UBE2F: variants seen among roughly 807,000 people sequenced by gnomAD.
UBE2F encodes NEDD8-conjugating enzyme UBE2F.
Under a neutral mutation model 29.6 loss-of-function variants are expected in UBE2F, and 5 were observed. The observed-to-expected ratio is 0.17, with a 90% CI of 0.09 to 0.36. UBE2F has a LOEUF of 0.36. UBE2F is among the 10% of genes least tolerant of loss of function. The pLI, the probability that UBE2F is intolerant of heterozygous loss-of-function variation, is 1.00. For synonymous variants in UBE2F, 66 were observed against 81.8 expected, an observed-to-expected ratio of 0.81 and a Z score of 1.04; for missense variants, 141 against 228.5, an observed-to-expected ratio of 0.62 and a Z score of 2.47.
At chr2:237,973,671 GTGAAAAATTAGT>G in intron 2 of UBE2F, 4 of 1,302,976 alleles carry the variant, frequency 3.1e-6, no homozygotes, top group Non-Finnish European at 4.0e-6. Flanking sequence ...GGCGAATCTT[GTGAAAAATTAGT>G]TCTCTTCACG....
intron 1 of UBE2F, chr2:237,968,986 T>C: frequency 3.2e-6 from 1 of 310,784 alleles, no homozygotes; most frequent in African/African-American, 2.2e-5. Flanking sequence ...ATTTTACAGC[T>C]ATGGCAACAT....
At chr2:237,986,607 A>G (rs2063486888) in intron 2 of UBE2F, among the ~76,000 whole-genome samples, 1 of 152,206 alleles carries the variant, frequency 6.6e-6, no homozygotes, top group Non-Finnish European at 1.5e-5. Flanking sequence ...TAAGGAACTT[A>G]TTCCCTATCT....
intron 2 of UBE2F, among the ~76,000 whole-genome samples, chr2:237,980,828 G>C (rs1483748425): frequency 6.6e-6 from 1 of 152,202 alleles, no homozygotes; most frequent in South Asian, 2.1e-4. Flanking sequence ...CCTGCCCACA[G>C]GGTATGCAGG....
chr2:238,030,494 T>C, intron 6 of UBE2F, 62 bp from the exon 7 acceptor site: 1 of 1,209,900 alleles, frequency 8.3e-7, no homozygotes, highest in African/African-American at 1.5e-5. Context: ...GAGGACTAGT[T>C]GGCAGCGTGC....
At chr2:238,025,806 G>A (rs1046619101) in intron 6 of UBE2F, among the ~76,000 whole-genome samples, 6 of 152,192 alleles carry the variant, frequency 3.9e-5, no homozygotes, top group African/African-American at 1.4e-4. Flanking sequence ...AAATGTAGAT[G>A]GCAGGCTTGA....
intron 4 of UBE2F, among the ~76,000 whole-genome samples, chr2:237,996,173 A>G (rs540799799): frequency 1.3e-3 from 201 of 152,330 alleles, no homozygotes; most frequent in African/African-American, 4.7e-3. Flanking sequence ...ACTGCTATGG[A>G]CATCATTTAC....
At chr2:238,008,244 C>T (rs2063948084) in intron 4 of UBE2F, among the ~76,000 whole-genome samples, 1 of 152,154 alleles carries the variant, frequency 6.6e-6, no homozygotes, top group South Asian at 2.1e-4. Flanking sequence ...CAGGTGTGAG[C>T]CACTGTGCCT....
At chr2:238,037,526 A>G (rs1048226584) in intron 9 of UBE2F, among the ~76,000 whole-genome samples, 4 of 152,206 alleles carry the variant, frequency 2.6e-5, no homozygotes, top group Non-Finnish European at 5.9e-5. Flanking sequence ...TTGGTGGTAG[A>G]ACCTCGCACT....
rs768824145 is a variant in UBE2F at position 237,987,981 on chromosome 2, C to T, written c.137C>T (p.Ala46Val). The T allele has an allele frequency of 6.0e-6, 9 of 1,505,912 alleles. No individual in the cohort carries two copies. The South Asian group carries it at 8.0e-5, about 13-fold the overall frequency. The allele number at this position is 1,505,912 out of a possible 1,614,324, so 93.3% of individuals were successfully genotyped here. The change falls in exon 3 of 10, where the codon GCT (alanine) becomes GTT (valine). Residue 46 changes from alanine (A) to valine (V), a missense_variant. Physicochemically the swap from Ala to Val is moderately conservative, Grantham distance 64. Coordinates refer to ENST00000272930, the MANE Select transcript of UBE2F (RefSeq NM_080678.3). ...TCTACAGAGGTTGCAGAACTTGAAG[C>T]TAATTTACCTTGTAAGTATAGCATC... ...LLVKEVAELE[A>V]NLPCTCKVHF...
intron 2 of UBE2F, chr2:237,973,848 C>CCCTCGTTGGAAGTGCAGCAAA: frequency 2.5e-6 from 1 of 402,302 alleles, no homozygotes; most frequent in Non-Finnish European, 3.5e-6. Context: ...ATAAATTTTG[C>CCCTCGTTGGAAGTGCAGCAAA]ATTTATTCAT....
chr2:238,006,128 G>A (rs2063899494), intron 4 of UBE2F, among the ~76,000 whole-genome samples: 1 of 152,188 alleles, frequency 6.6e-6, no homozygotes, highest in African/African-American at 2.4e-5. Context: ...GCTGGCATCT[G>A]CCTCTAGTGA....
chr2:237,967,043 C>A lies in UBE2F; in HGVS notation c.-106C>A. On this transcript the variant is annotated 5_prime_UTR_variant, in exon 1 of 10. Coordinates refer to ENST00000272930, the MANE Select transcript of UBE2F (RefSeq NM_080678.3). The surrounding 1 kb of genome is among the most constrained non-coding windows in gnomAD (Gnocchi z 6.3). ...CCGGTCCCGCCGCCGGGAGCCGGTG[C>A]GGCTGTGAGGGGCCGCGTCTCGCAG... 12 of 1,298,056 alleles carry A rather than the reference C, an allele frequency of 9.2e-6. No homozygotes were observed. The highest frequency in any genetic ancestry group is 1.1e-5 in the Non-Finnish European group (11 of 1,022,062). 80.4% of individuals were successfully genotyped at this position (1,298,056 alleles called of 1,614,324 possible).
At position 238,020,698 on chromosome 2, in the gene UBE2F, GT is replaced by G. The variant is rs986229364; in HGVS notation, c.282+4066del. ...AGCAGCCAAAATTCAAATTTTCTTT[GT>G]GTTTTTGTTCCTTTGCCTCTGCAGT... On this transcript the variant is annotated intron_variant, in intron 5 of 9. Transcript: ENST00000272930. Among the ~76,000 whole-genome samples the G allele has an allele frequency of 1.1e-3, 175 of 152,280 alleles. 1 individual carries two copies. Among genetic ancestry groups the G allele is most frequent in the African/African-American group, 3.9e-3 (164 of 41,562 alleles).
chr2:237,970,324 C>A (rs2063149420), intron 1 of UBE2F, among the ~76,000 whole-genome samples: 1 of 152,148 alleles, frequency 6.6e-6, no homozygotes, highest in Non-Finnish European at 1.5e-5. Context: ...GCACTGAGCT[C>A]AAGTCACGCC....
In UBE2F at chr2:237,973,208, A is replaced by G; in HGVS notation, c.101A>G (p.Asp34Gly). Residue 34 changes from aspartate (D) to glycine (G), a missense_variant, in exon 2 of 10, where the codon GAC becomes GGC. Transcript: ENST00000272930. ...SDSTRRVSVRDKLLVKEVAEL... is the reference protein window; with the variant it reads ...SDSTRRVSVRGKLLVKEVAEL... ...TCGACTCGGAGGGTTTCTGTGAGAG[A>G]CAAATTGCTTGTTAAAGGTAATGAT... is the stretch of plus-strand genomic sequence containing the variant. 1 of 1,613,758 alleles carries G rather than the reference A, an allele frequency of 6.2e-7. No individual in the cohort carries two copies. Among genetic ancestry groups the G allele is most frequent in the Non-Finnish European group, 8.5e-7 (1 of 1,179,638 alleles).
intron 4 of UBE2F, among the ~76,000 whole-genome samples, chr2:238,000,535 G>T (rs920036141): frequency 6.6e-6 from 1 of 152,118 alleles, no homozygotes; most frequent in African/African-American, 2.4e-5. Context: ...TTGTATGGAC[G>T]CATACCAGTT....
At chr2:237,984,996 CA>C (rs55984976) in intron 2 of UBE2F, among the ~76,000 whole-genome samples, 77,888 of 129,614 alleles carry the variant, frequency 0.6, 24,492 homozygotes, top group Non-Finnish European at 0.72. Flanking sequence ...TGGAAAAAGG[CA>C]AAAAAAAAAA....
In UBE2F at chr2:237,967,641, G is replaced by A. The variant is rs975330732; in HGVS notation, c.-17+509G>A. ...GCGCTAGGCCGTGAGGAGCGGGGGA[G>A]GTGAGGGGAGTGACAACTCGCGCCC... On this transcript the variant is annotated intron_variant, in intron 1 of 9. Transcript: ENST00000272930. This position sits in a 1 kb window ranked among gnomAD's most constrained non-coding sequence, Gnocchi z 6.3. Among the ~76,000 whole-genome samples, 2 of 152,240 alleles carry A rather than the reference G, an allele frequency of 1.3e-5. No homozygotes were observed. The highest frequency in any genetic ancestry group is 2.9e-5 in the Non-Finnish European group (2 of 68,042).
In UBE2F at chr2:238,015,862, G is replaced by A. The variant is rs75098543; in HGVS notation, c.215-704G>A. Among the ~76,000 whole-genome samples, 799 of 152,232 alleles carry A rather than the reference G, an allele frequency of 5.2e-3. 13 individuals are homozygous for A. The highest frequency in any genetic ancestry group is 0.018 in the African/African-American group (761 of 41,542). On this transcript the variant is annotated intron_variant, in intron 4 of 9. Coordinates refer to ENST00000272930, the MANE Select transcript of UBE2F (RefSeq NM_080678.3). ...GCAGCCACTTAGTGACCCCAGGCTG[G>A]GTACCACCTGAGGAGAGGGACTGCC... is the stretch of plus-strand genomic sequence containing the variant.
Sources: allele counts gnomAD v4.1 joint callset (sites outside exome capture counted in the v4.1 genomes callset), GRCh38; gene constraint gnomAD v4.1.1; non-coding constraint Gnocchi (gnomAD v3.1); transcripts MANE v1.5; gene names NCBI Gene and HGNC (gene_info 2026-07-23, HGNC 2026-07-21).